Variants in GSE1 observed in about 807,000 individuals in gnomAD.
GSE1 encodes Gse1 coiled-coil protein.
A neutral mutation model predicts 112.6 loss-of-function variants in GSE1; 32 were observed. The observed-to-expected ratio is 0.28, with a 90% CI of 0.21 to 0.38. GSE1 has a LOEUF of 0.38. Among genes scored for constraint, GSE1 ranks in the 10% least tolerant of loss-of-function variants. The probability of loss-of-function intolerance (pLI) is 1.00; values close to 1 mark genes in which losing one functional copy is unlikely to be tolerated. For synonymous variants in GSE1, 1,115 were observed against 735.6 expected, an observed-to-expected ratio of 1.52 and a Z score of -8.35; for missense variants, 2,348 against 1,699.2, an observed-to-expected ratio of 1.38 and a Z score of -6.71.
At chr16:85,290,766 G>A (rs1345955388) in intron 1 of GSE1, among the ~76,000 whole-genome samples, 1 of 151,952 alleles carries the variant, frequency 6.6e-6, no homozygotes, top group Non-Finnish European at 1.5e-5. Flanking sequence ...ATTCTGAGTT[G>A]TTTCACCTTG....
intron 1 of GSE1, among the ~76,000 whole-genome samples, chr16:85,620,446 C>T (rs1315036777): frequency 6.6e-6 from 1 of 152,166 alleles, no homozygotes; most frequent in Non-Finnish European, 1.5e-5. Context: ...CTTAAATATA[C>T]GAGGATCCAC....
chr16:85,601,754 G>A (rs1400054662), intron 1 of GSE1, among the ~76,000 whole-genome samples: 1 of 152,154 alleles, frequency 6.6e-6, no homozygotes, highest in Non-Finnish European at 1.5e-5. Flanking sequence ...CCTTGCAGCC[G>A]ACGTGAGCTA....
chr16:85,610,562 A>G (rs1203023664), upstream of GSE1, among the ~76,000 whole-genome samples: 1 of 152,192 alleles, frequency 6.6e-6, no homozygotes, highest in Non-Finnish European at 1.5e-5. Flanking sequence ...CGTGCTCCGG[A>G]TTACTAATTT....
chr16:85,213,318 C>T (rs961782116), intron 1 of GSE1, among the ~76,000 whole-genome samples: 1 of 150,800 alleles, frequency 6.6e-6, no homozygotes, highest in South Asian at 2.1e-4. Flanking sequence ...TGTTGGCATG[C>T]GTCTGCATTC....
intron 1 of GSE1, among the ~76,000 whole-genome samples, chr16:85,590,013 G>T (rs2046914299): frequency 1.3e-5 from 2 of 152,148 alleles, no homozygotes; most frequent in African/African-American, 4.8e-5. Context: ...TGTGACCTGT[G>T]TGAATGAACA....
chr16:85,657,693 C>T, intron 8 of GSE1, 89 bp downstream of exon 8: 1 of 814,208 alleles, frequency 1.2e-6, no homozygotes, highest in Non-Finnish European at 1.8e-6. Flanking sequence ...TGCCCAACAT[C>T]CTGCCCCAGC....
chr16:85,572,468 C>CACAA (rs1403865442), intron 1 of GSE1, among the ~76,000 whole-genome samples: 1 of 148,108 alleles, frequency 6.8e-6, no homozygotes, highest in Non-Finnish European at 1.5e-5. Flanking sequence ...ACACACAACA[C>CACAA]ACATCACACA....
At chr16:85,650,268 C>T (rs1333863296) in intron 3 of GSE1, among the ~76,000 whole-genome samples, 2 of 152,042 alleles carry the variant, frequency 1.3e-5, no homozygotes, top group African/African-American at 4.8e-5. Flanking sequence ...GCTCCGCTGC[C>T]TCCAGAGGCC....
intron 1 of GSE1, among the ~76,000 whole-genome samples, chr16:85,631,195 A>C (rs181475405): frequency 6.8e-4 from 104 of 151,922 alleles, no homozygotes; most frequent in Non-Finnish European, 5.9e-4. Context: ...CCTCCTAAAA[A>C]CCCGCAGCCT....
At chr16:85,295,017 C>G (rs1313957540) in intron 1 of GSE1, among the ~76,000 whole-genome samples, 1 of 151,984 alleles carries the variant, frequency 6.6e-6, no homozygotes, top group Non-Finnish European at 1.5e-5. Context: ...TCCCAAGGTT[C>G]TAGGATTACA....
chr16:85,509,335 G>A (rs984434676), intron 2 of GSE1, among the ~76,000 whole-genome samples: 3 of 152,188 alleles, frequency 2.0e-5, no homozygotes, highest in African/African-American at 7.2e-5. Flanking sequence ...TTCAGAGGCT[G>A]CCTGAGTCTC....
intron 1 of GSE1, among the ~76,000 whole-genome samples, chr16:85,247,861 G>A (rs1297868631): frequency 6.6e-6 from 1 of 152,226 alleles, no homozygotes; most frequent in African/African-American, 2.4e-5. Flanking sequence ...AGTGGCACAG[G>A]CCCTGCATCC....
chr16:85,357,774 C>T (rs949358991), intron 2 of GSE1: 9 of 445,254 alleles, frequency 2.0e-5, no homozygotes, highest in East Asian at 8.3e-5. Context: ...GGGGAGAGAC[C>T]GGGTGCTGGG....
chr16:85,317,292 A>T (rs2046005840), intron 1 of GSE1, among the ~76,000 whole-genome samples: 1 of 152,168 alleles, frequency 6.6e-6, no homozygotes, highest in Non-Finnish European at 1.5e-5. Context: ...GCAGGCATGC[A>T]TCCCTCTGGC....
intron 2 of GSE1, among the ~76,000 whole-genome samples, chr16:85,385,721 G>A (rs2047673581): frequency 6.6e-6 from 1 of 152,344 alleles, no homozygotes; most frequent in East Asian, 1.9e-4. Flanking sequence ...GAGGCAGCCG[G>A]CCATCCATCC....
chr16:85,646,897 G>T (rs1319656512), intron 2 of GSE1, among the ~76,000 whole-genome samples: 1 of 152,008 alleles, frequency 6.6e-6, no homozygotes, highest in South Asian at 2.1e-4. Context: ...CAACAAGGGG[G>T]GGGGTGGGGG....
At chr16:85,228,790 G>C (rs1201441269) in intron 1 of GSE1, among the ~76,000 whole-genome samples, 1 of 152,210 alleles carries the variant, frequency 6.6e-6, no homozygotes, top group East Asian at 1.9e-4. Context: ...CCAGTTGGCA[G>C]AAAGCATCTT....
At chr16:85,422,799 C>G (rs1023668577) in intron 2 of GSE1, among the ~76,000 whole-genome samples, 4 of 152,098 alleles carry the variant, frequency 2.6e-5, no homozygotes, top group South Asian at 2.1e-4. Context: ...GGTTTGGACT[C>G]AGCAGACTCT....
chr16:85,271,034 A>C (rs1908777000), intron 1 of GSE1, among the ~76,000 whole-genome samples: 1 of 152,172 alleles, frequency 6.6e-6, no homozygotes, highest in South Asian at 2.1e-4. Flanking sequence ...CCCTGTCCCC[A>C]AAAGGATCTC....
Sources: allele counts gnomAD v4.1 joint callset (sites outside exome capture counted in the v4.1 genomes callset), GRCh38; gene constraint gnomAD v4.1.1; transcripts MANE v1.5; gene names NCBI Gene and HGNC (gene_info 2026-07-23, HGNC 2026-07-21).